MTUS2: variants seen among roughly 807,000 people sequenced by gnomAD.
MTUS2 encodes the protein microtubule associated scaffold protein 2.
MTUS2 carries 40 observed loss-of-function variants against 114.1 expected under a neutral mutation model. The ratio of observed to expected loss-of-function variants is 0.35; its 90% confidence interval spans 0.27 to 0.46. MTUS2 has a LOEUF of 0.46. MTUS2 is among the 20% of genes least tolerant of loss of function. MTUS2 has a pLI of 1.00. For missense variants in MTUS2, 1,679 were observed against 1,705.4 expected, an observed-to-expected ratio of 0.98 and a Z score of 0.27; for synonymous variants, 688 against 672.0, an observed-to-expected ratio of 1.02 and a Z score of -0.37.
chr13:29,206,598 G>A (rs1385227046), intron 5 of MTUS2, among the ~76,000 whole-genome samples: 1 of 152,068 alleles, frequency 6.6e-6, no homozygotes, highest in Non-Finnish European at 1.5e-5. Context: ...GGTGAGAGAT[G>A]AGGATCCAGT....
At chr13:28,894,655 T>A (rs73437234) in intron 2 of MTUS2, among the ~76,000 whole-genome samples, 16 of 152,324 alleles carry the variant, frequency 1.1e-4, no homozygotes, top group African/African-American at 3.4e-4. Context: ...ATAGAAATGC[T>A]ATACCATTCC....
At chr13:29,117,702 T>C (rs1891147013) in intron 5 of MTUS2, among the ~76,000 whole-genome samples, 1 of 152,156 alleles carries the variant, frequency 6.6e-6, no homozygotes, top group South Asian at 2.1e-4. Flanking sequence ...TCCAGCACCA[T>C]TTATTAGAAA....
chr13:29,475,324 C>T (rs1052183312), intron 9 of MTUS2, among the ~76,000 whole-genome samples: 2 of 152,220 alleles, frequency 1.3e-5, no homozygotes, highest in Admixed American at 1.3e-4. Context: ...ATGTTTAGTA[C>T]ATAATACTTG....
intron 9 of MTUS2, among the ~76,000 whole-genome samples, chr13:29,458,003 C>G (rs1367683025): frequency 1.3e-5 from 2 of 152,172 alleles, no homozygotes; most frequent in Non-Finnish European, 2.9e-5. Context: ...CCGCCTGCCT[C>G]GGCCTCCCAA....
intron 2 of MTUS2, among the ~76,000 whole-genome samples, chr13:28,873,081 A>G (rs1364766874): frequency 1.3e-5 from 2 of 152,250 alleles, no homozygotes; most frequent in Non-Finnish European, 2.9e-5. Context: ...TTCTATAGCC[A>G]ATGAAAATAT....
chr13:29,281,835 C>T lies in MTUS2; in HGVS notation c.2776C>T (p.Pro926Ser), dbSNP rs1216056781. 2 of 1,605,320 alleles carry T rather than the reference C, an allele frequency of 1.2e-6. No individual in the cohort carries two copies. The highest frequency in any genetic ancestry group is 1.7e-6 in the Non-Finnish European group (2 of 1,174,036). ...SVTAPRRSLL[P>S]APKSTSTPAG... The stretch of plus-strand genomic sequence containing the variant: ...GACAGCACCCCGCAGGAGTTTACTT[C>T]CAGCGCCAAAATCCACTTCCACACC... Residue 926 changes from proline to serine, a missense_variant, in exon 6 of 16, where the codon CCA becomes TCA. Around this residue, in one of 3 missense-constraint regions of MTUS2, gnomAD observed 822 missense variants for 899.7 expected, o/e 0.91. Transcript: ENST00000612955.
intron 8 of MTUS2, among the ~76,000 whole-genome samples, chr13:29,413,593 C>A: frequency 1.5e-5 from 1 of 68,352 alleles, no homozygotes; most frequent in Admixed American, 1.8e-4. Context: ...ACAATGAACT[C>A]AAACAAATTT....
chr13:28,854,635 C>T (rs935575470), intron 2 of MTUS2, among the ~76,000 whole-genome samples: 11 of 152,118 alleles, frequency 7.2e-5, no homozygotes, highest in Admixed American at 1.3e-4. Context: ...AATATATACC[C>T]GCCCATTTTT....
At chr13:29,181,102 G>A (rs992269150) in intron 5 of MTUS2, among the ~76,000 whole-genome samples, 3 of 152,018 alleles carry the variant, frequency 2.0e-5, no homozygotes, top group Non-Finnish European at 4.4e-5. Context: ...AAGCCTTGGC[G>A]AATGAGCGTC....
chr13:28,954,293 A>G (rs1273951213), intron 2 of MTUS2, among the ~76,000 whole-genome samples: 2 of 152,188 alleles, frequency 1.3e-5, no homozygotes, highest in Non-Finnish European at 2.9e-5. Context: ...ATGACAGTCA[A>G]GTCATTTGCT....
intron 2 of MTUS2, among the ~76,000 whole-genome samples, chr13:28,996,093 A>T (rs1035614846): frequency 6.6e-6 from 1 of 152,142 alleles, no homozygotes; most frequent in Admixed American, 6.5e-5. Context: ...ATTTATTCAG[A>T]GTTTTTAGCA....
chr13:29,225,883 A>G (rs1029202193), intron 5 of MTUS2, among the ~76,000 whole-genome samples: 3 of 152,202 alleles, frequency 2.0e-5, no homozygotes, highest in African/African-American at 7.2e-5. Context: ...CAATTTGTCA[A>G]CAGTCTAAGT....
chr13:29,294,540 C>A (rs1360120867), intron 6 of MTUS2, among the ~76,000 whole-genome samples: 1 of 152,056 alleles, frequency 6.6e-6, no homozygotes, highest in African/African-American at 2.4e-5. Context: ...CCTAGAAGGG[C>A]TCATAGGACT....
chr13:29,186,011 G>T (rs1347036310), intron 5 of MTUS2, among the ~76,000 whole-genome samples: 2 of 152,076 alleles, frequency 1.3e-5, no homozygotes, highest in Non-Finnish European at 1.5e-5. Context: ...GTTTGATTGA[G>T]ACCAGCCAAG....
In MTUS2 at chr13:29,025,538, A is replaced by G; in HGVS notation, c.840A>G (p.Pro280=). The G allele has an allele frequency of 2.5e-6, 4 of 1,613,896 alleles. No individual in the cohort carries two copies. Among genetic ancestry groups the G allele is most frequent in the Non-Finnish European group, 2.5e-6 (3 of 1,179,836 alleles). The change falls in exon 3 of 16, where the codon CCA becomes CCG. Residue 280 remains proline, a synonymous_variant. Coordinates refer to ENST00000612955, the MANE Select transcript of MTUS2 (RefSeq NM_001033602.4). ...AGCACACATCACATTCCGCCCATCC[A>G]GAGCCTGCTCTGAATTTGACTTTGG... ...CSEHTSHSAH[P]EPALNLTLAS... is the part of the protein sequence containing the mutation.
intron 1 of MTUS2, among the ~76,000 whole-genome samples, chr13:28,838,481 A>G (rs554304127): frequency 2.6e-4 from 39 of 152,288 alleles, no homozygotes; most frequent in Admixed American, 2.0e-3. Context: ...TCATTGCCCC[A>G]TGGACTTGGG....
chr13:29,500,418 C>G (rs1229689418), intron 14 of MTUS2, among the ~76,000 whole-genome samples: 1 of 152,180 alleles, frequency 6.6e-6, no homozygotes, highest in African/African-American at 2.4e-5. Flanking sequence ...TCAAACTGTA[C>G]TTCAGCTAGG....
At chr13:29,213,812 T>C (rs1342837402) in intron 5 of MTUS2, among the ~76,000 whole-genome samples, 5 of 152,218 alleles carry the variant, frequency 3.3e-5, no homozygotes. Context: ...TTTGATGTTA[T>C]TACTGATTTA....
intron 5 of MTUS2, among the ~76,000 whole-genome samples, chr13:29,275,351 C>T (rs961383000): frequency 4.6e-5 from 7 of 152,146 alleles, no homozygotes; most frequent in Non-Finnish European, 7.3e-5. Flanking sequence ...TTATCTCAGA[C>T]ATTTATTCTT....
Sources: allele counts gnomAD v4.1 joint callset (sites outside exome capture counted in the v4.1 genomes callset), GRCh38; gene constraint gnomAD v4.1.1; regional missense constraint gnomAD v4.1.1; transcripts MANE v1.5; gene names NCBI Gene and HGNC (gene_info 2026-07-23, HGNC 2026-07-21).